MB21D2: variants seen among roughly 807,000 people sequenced by gnomAD.
The protein encoded by MB21D2 is Mab-21 domain containing 2.
Under a neutral mutation model 33.3 loss-of-function variants are expected in MB21D2, and 9 were observed. That is an observed-to-expected ratio of 0.27 (90% CI 0.16 to 0.47). The LOEUF (loss-of-function observed/expected upper bound fraction) is 0.47. Ranked by LOEUF, MB21D2 falls within the 20% of genes least tolerant of loss-of-function variation. MB21D2 has a pLI of 0.99. For synonymous variants in MB21D2, 241 were observed against 236.3 expected (o/e 1.02, Z -0.18); for missense variants, 540 against 624.6 (o/e 0.86, Z 1.44).
intron 1 of MB21D2, among the ~76,000 whole-genome samples, chr3:192,865,441 A>C (rs1713147992): frequency 1.3e-5 from 2 of 152,250 alleles, no homozygotes; most frequent in African/African-American, 4.8e-5. Context: ...ATGGTTCAGC[A>C]GGAGTATGTA....
intron 1 of MB21D2, among the ~76,000 whole-genome samples, chr3:192,831,593 G>C (rs1436443627): frequency 1.3e-5 from 2 of 152,198 alleles, no homozygotes; most frequent in African/African-American, 4.8e-5. Flanking sequence ...AGCCATGGCA[G>C]TTCATCAAAT....
chr3:192,873,925 C>A (rs115346441), intron 1 of MB21D2, among the ~76,000 whole-genome samples: 3,338 of 152,282 alleles, frequency 0.022, 62 homozygotes, highest in Middle Eastern at 0.071. Context: ...GTCTCGAACT[C>A]CTGACCTCAG....
At position 192,909,145 on chromosome 3, in the gene MB21D2, A is replaced by T. The variant is rs185354016; in HGVS notation, c.211+8485T>A. 3.0e-4 allele frequency among the ~76,000 whole-genome samples: 46 copies of T among 151,530 alleles called. 1 individual carries two copies. The highest frequency in any genetic ancestry group is 1.3e-4 in the Admixed American group (2 of 15,228). On this transcript the variant is annotated intron_variant, in intron 1 of 1. Coordinates refer to ENST00000392452, the MANE Select transcript of MB21D2 (RefSeq NM_178496.4). ...GTGGCGGGCGCCTGTAGTCCCAGCT[A>T]CTCGGGAGGCTGAGGCAGGAGAATG...
At chr3:192,845,629 A>C (rs1712666217) in intron 1 of MB21D2, among the ~76,000 whole-genome samples, 1 of 152,226 alleles carries the variant, frequency 6.6e-6, no homozygotes, top group African/African-American at 2.4e-5. Flanking sequence ...TGCCTTCACC[A>C]CAGTGCTCAG....
chr3:192,878,079 CTCTT>C (rs1560247681), intron 1 of MB21D2, among the ~76,000 whole-genome samples: 2 of 134,198 alleles, frequency 1.5e-5, no homozygotes, highest in Non-Finnish European at 3.1e-5. Context: ...ACAATTCCTC[CTCTT>C]TTTTTTTTTT....
chr3:192,872,894 C>T (rs1189774489), intron 1 of MB21D2, among the ~76,000 whole-genome samples: 2 of 152,196 alleles, frequency 1.3e-5, no homozygotes, highest in East Asian at 3.9e-4. Flanking sequence ...CCTCTGTTCC[C>T]TTAGGAAGCT....
intron 1 of MB21D2, among the ~76,000 whole-genome samples, chr3:192,858,247 A>T (rs1712962862): frequency 6.6e-6 from 1 of 152,196 alleles, no homozygotes; most frequent in Non-Finnish European, 1.5e-5. Flanking sequence ...CCTGAGGCCA[A>T]AAAAGAGAAA....
chr3:192,858,242 G>A (rs1712962744), intron 1 of MB21D2, among the ~76,000 whole-genome samples: 1 of 152,072 alleles, frequency 6.6e-6, no homozygotes, highest in Non-Finnish European at 1.5e-5. Flanking sequence ...TGGGACCTGA[G>A]GCCAAAAAAG....
chr3:192,834,537 G>C (rs1294277428), intron 1 of MB21D2, among the ~76,000 whole-genome samples: 1 of 151,698 alleles, frequency 6.6e-6, no homozygotes, highest in Non-Finnish European at 1.5e-5. Context: ...TTCTCCTGTG[G>C]GGCCACTCCT....
At chr3:192,815,600 C>G (rs1711903640) in intron 1 of MB21D2, among the ~76,000 whole-genome samples, 1 of 149,784 alleles carries the variant, frequency 6.7e-6, no homozygotes, top group South Asian at 2.1e-4. Flanking sequence ...TCTCTAAGAT[C>G]TTGAAGAGCT....
chr3:192,840,511 T>C (rs1276151471), intron 1 of MB21D2, among the ~76,000 whole-genome samples: 1 of 150,262 alleles, frequency 6.7e-6, no homozygotes, highest in Non-Finnish European at 1.5e-5. Flanking sequence ...AGTTCCCAAT[T>C]TAGTTTCCAG....
At chr3:192,883,320 A>G (rs1427635140) in intron 1 of MB21D2, among the ~76,000 whole-genome samples, 2 of 152,128 alleles carry the variant, frequency 1.3e-5, no homozygotes, top group Non-Finnish European at 2.9e-5. Context: ...TACTCATTTT[A>G]TATTTGTATG....
chr3:192,881,558 T>C (rs1436607054), intron 1 of MB21D2, among the ~76,000 whole-genome samples: 2 of 152,128 alleles, frequency 1.3e-5, no homozygotes, highest in Non-Finnish European at 2.9e-5. Flanking sequence ...GCTACGAAGT[T>C]TGAGCTGTCT....
intron 1 of MB21D2, among the ~76,000 whole-genome samples, chr3:192,879,569 G>C (rs1426305556): frequency 6.6e-6 from 1 of 152,244 alleles, no homozygotes; most frequent in Non-Finnish European, 1.5e-5. Context: ...AGTGATTGGA[G>C]AGGCTGTACA....
chr3:192,884,225 T>C (rs1052827549), intron 1 of MB21D2, among the ~76,000 whole-genome samples: 1 of 152,148 alleles, frequency 6.6e-6, no homozygotes, highest in African/African-American at 2.4e-5. Context: ...AAACCTATCA[T>C]TCCTTAACTT....
chr3:192,840,938 T>C (rs1194620600), intron 1 of MB21D2, among the ~76,000 whole-genome samples: 3 of 152,182 alleles, frequency 2.0e-5, no homozygotes, highest in African/African-American at 7.2e-5. Context: ...GAAAATATTT[T>C]ATAGAAAGCA....
chr3:192,890,445 C>T (rs1406077852), intron 1 of MB21D2, among the ~76,000 whole-genome samples: 1 of 151,880 alleles, frequency 6.6e-6, no homozygotes, highest in African/African-American at 2.4e-5. Context: ...TTAAAGAAAG[C>T]CTGGGTTTTA....
intron 1 of MB21D2, among the ~76,000 whole-genome samples, chr3:192,858,200 C>G (rs2108632498): frequency 6.6e-6 from 1 of 152,206 alleles, no homozygotes; most frequent in East Asian, 1.9e-4. Context: ...TTAAGGCCAA[C>G]ATGTTTTAAT....
At chr3:192,817,976 G>A (rs1711963889) in intron 1 of MB21D2, among the ~76,000 whole-genome samples, 1 of 142,710 alleles carries the variant, frequency 7.0e-6, no homozygotes, top group Non-Finnish European at 1.5e-5. Context: ...CAATATGCTA[G>A]TCCCCCAAAT....
Sources: gnomAD v4.1 joint callset for allele counts (sites outside exome capture counted in the v4.1 genomes callset) on GRCh38, gnomAD v4.1.1 for gene constraint, MANE v1.5 for transcripts, NCBI Gene and HGNC (gene_info 2026-07-23, HGNC 2026-07-21) for gene names.